Variants in OPCML observed in about 807,000 individuals in gnomAD.
The protein encoded by OPCML is opioid-binding protein/cell adhesion molecule.
In OPCML, 13 loss-of-function variants were observed where a neutral mutation model predicts 37.8. That is an observed-to-expected ratio of 0.34 (90% CI 0.22 to 0.55). The LOEUF is 0.55. Among genes scored for constraint, OPCML ranks in the 20% least tolerant of loss-of-function variants. The probability of loss-of-function intolerance (pLI) is 0.91; values close to 1 mark genes in which losing one functional copy is unlikely to be tolerated. For missense variants in OPCML, 341 were observed against 435.6 expected (o/e 0.78, Z 1.93); for synonymous variants, 176 against 168.8 (o/e 1.04, Z -0.33).
intron 2 of OPCML, among the ~76,000 whole-genome samples, chr11:132,767,149 A>G (rs1423485132): frequency 3.3e-5 from 5 of 152,214 alleles, no homozygotes; most frequent in African/African-American, 1.2e-4. Flanking sequence ...ACTATTCTGG[A>G]AATTTTTCTA....
At chr11:132,752,605 AT>A (rs1945874034) in intron 2 of OPCML, among the ~76,000 whole-genome samples, 1 of 152,106 alleles carries the variant, frequency 6.6e-6, no homozygotes. Context: ...TGAGTAAAAG[AT>A]TTGTTAGCAT....
At chr11:133,297,082 G>A (rs1368628800) in intron 1 of OPCML, 1 of 152,190 alleles carries the variant, frequency 6.6e-6, no homozygotes. Context: ...ACTTGGGAAG[G>A]ATGAATAGGA....
intron 2 of OPCML, among the ~76,000 whole-genome samples, chr11:132,725,219 T>A (rs1944833534): frequency 6.6e-6 from 1 of 152,200 alleles, no homozygotes; most frequent in African/African-American, 2.4e-5. Flanking sequence ...TTTTCATACA[T>A]CCTCTGAAAT....
chr11:132,590,375 T>A (rs1431499047), intron 3 of OPCML, among the ~76,000 whole-genome samples: 3 of 152,098 alleles, frequency 2.0e-5, no homozygotes, highest in Admixed American at 2.0e-4. Flanking sequence ...CACAGTAGTG[T>A]GTAGTACAGT....
intron 2 of OPCML, among the ~76,000 whole-genome samples, chr11:132,787,973 T>C (rs1233240470): frequency 6.6e-6 from 1 of 152,172 alleles, no homozygotes; most frequent in Admixed American, 6.5e-5. Context: ...CTCCGCCTCC[T>C]GGGTTCAAGC....
chr11:132,493,260 A>G (rs1240104329), intron 4 of OPCML, among the ~76,000 whole-genome samples: 1 of 152,176 alleles, frequency 6.6e-6, no homozygotes, highest in Non-Finnish European at 1.5e-5. Flanking sequence ...TGAGCACAAA[A>G]GTAGAGCTCG....
chr11:132,798,180 C>G (rs1938442657), intron 2 of OPCML, among the ~76,000 whole-genome samples: 1 of 152,184 alleles, frequency 6.6e-6, no homozygotes. Context: ...AAGCGATTCT[C>G]CTGCCTCAGC....
At chr11:133,424,861 C>CA (rs1945968661) in intron 1 of OPCML, among the ~76,000 whole-genome samples, 1 of 152,082 alleles carries the variant, frequency 6.6e-6, no homozygotes, top group Non-Finnish European at 1.5e-5. Context: ...AATACTAAAA[C>CA]AAAATAGAAA....
At chr11:133,487,231 C>T (rs1947548975) in intron 1 of OPCML, among the ~76,000 whole-genome samples, 1 of 152,004 alleles carries the variant, frequency 6.6e-6, no homozygotes, top group Non-Finnish European at 1.5e-5. Context: ...TTATCATGAC[C>T]CCTGAGACTT....
intron 1 of OPCML, among the ~76,000 whole-genome samples, chr11:132,949,864 A>G (rs1366677544): frequency 6.6e-6 from 1 of 152,170 alleles, no homozygotes; most frequent in East Asian, 1.9e-4. Flanking sequence ...AACAGATGCA[A>G]ATATTTAGAT....
At chr11:132,998,089 T>A (rs1946920372) in intron 1 of OPCML, among the ~76,000 whole-genome samples, 1 of 152,160 alleles carries the variant, frequency 6.6e-6, no homozygotes, top group African/African-American at 2.4e-5. Context: ...TGCCTGCCCA[T>A]CCTTCAAGGT....
At chr11:133,382,367 T>C (rs1056404753) in intron 1 of OPCML, among the ~76,000 whole-genome samples, 1 of 152,190 alleles carries the variant, frequency 6.6e-6, no homozygotes, top group Non-Finnish European at 1.5e-5. Flanking sequence ...GCAGTAAGCA[T>C]GTTTGACCTC....
chr11:133,005,204 C>T (rs1947084989), intron 1 of OPCML: 3 of 985,426 alleles, frequency 3.0e-6, no homozygotes, highest in Non-Finnish European at 3.6e-6. Flanking sequence ...CATATCCCCA[C>T]TGCCAACCAC....
chr11:132,899,182 A>G (rs896015082), intron 2 of OPCML, among the ~76,000 whole-genome samples: 3 of 152,194 alleles, frequency 2.0e-5, no homozygotes, highest in African/African-American at 7.2e-5. Context: ...CAGAATGGGT[A>G]GTGGAAGGCA....
intron 1 of OPCML, among the ~76,000 whole-genome samples, chr11:133,510,482 G>A (rs963530442): frequency 7.2e-5 from 11 of 152,310 alleles, no homozygotes; most frequent in African/African-American, 1.4e-4. Context: ...GATGCAAATC[G>A]TTTGTGGGCA....
Position 133,532,372 on chromosome 11 carries a change from T to A in OPCML, c.-48A>T. ...CTGCCGGGCTTGCTACTGCTTCTGCTGCTGCTACCGCTGCTGCCTTCCTCT... is the reference window on the plus strand; with the variant it reads ...CTGCCGGGCTTGCTACTGCTTCTGCAGCTGCTACCGCTGCTGCCTTCCTCT... On this transcript the variant is annotated 5_prime_UTR_variant, in exon 1 of 8. Coordinates refer to ENST00000524381, the MANE Select transcript of OPCML (RefSeq NM_001012393.5). 1 of 1,590,246 alleles carries A rather than the reference T, an allele frequency of 6.3e-7. No homozygotes were observed. Among genetic ancestry groups the A allele is most frequent in the Non-Finnish European group, 8.6e-7 (1 of 1,163,208 alleles).
At chr11:133,363,189 G>A (rs1174946114) in intron 1 of OPCML, among the ~76,000 whole-genome samples, 1 of 152,236 alleles carries the variant, frequency 6.6e-6, no homozygotes, top group Admixed American at 6.5e-5. Flanking sequence ...GCGGCTACTG[G>A]AAACCCCATC....
rs113755696 is a variant in OPCML, at chr11:132,547,528, C to T, written c.380-18342G>A. ...GAAAAGTGAACAGCCAGGTTCCAAA[C>T]CCAATAGACAGCAATGTGCTACTTC... On this transcript the variant is annotated intron_variant, in intron 3 of 7. Transcript: ENST00000524381. Among the ~76,000 whole-genome samples, 1,026 of 152,202 alleles carry T rather than the reference C, an allele frequency of 6.7e-3. 18 individuals are homozygous for T. Among genetic ancestry groups the T allele is most frequent in the African/African-American group, 0.023 (951 of 41,524 alleles).
At chr11:132,749,653 G>A (rs1945763734) in intron 2 of OPCML, among the ~76,000 whole-genome samples, 1 of 152,064 alleles carries the variant, frequency 6.6e-6, no homozygotes, top group Admixed American at 6.5e-5. Flanking sequence ...GCTGGATGAG[G>A]CCACCCAGGG....
Sources: gnomAD v4.1 joint callset for allele counts (sites outside exome capture counted in the v4.1 genomes callset) on GRCh38, gnomAD v4.1.1 for gene constraint, MANE v1.5 for transcripts, NCBI Gene and HGNC (gene_info 2026-07-23, HGNC 2026-07-21) for gene names.